ZNF829: variants seen among roughly 807,000 people sequenced by gnomAD.
ZNF829 encodes zinc finger protein 829.
A neutral mutation model predicts 35.2 loss-of-function variants in ZNF829; 25 were observed. The observed-to-expected ratio is 0.71, with a 90% CI of 0.52 to 0.99. The LOEUF is 0.99. Ranked by LOEUF, ZNF829 falls within the 50% of genes least tolerant of loss-of-function variation. ZNF829 has a pLI of 0.00. For missense variants in ZNF829, 417 were observed against 515.3 expected (o/e 0.81, Z 1.85); for synonymous variants, 136 against 163.2 (o/e 0.83, Z 1.27).
Position 36,891,284 on chromosome 19 carries a change from G to T in ZNF829, c.*208C>A. The T allele has an allele frequency of 4.0e-6, 2 of 503,686 alleles. No individual in the cohort carries two copies. Among genetic ancestry groups the T allele is most frequent in the Non-Finnish European group, 6.7e-6 (2 of 299,992 alleles). The allele number at this position is 503,686 out of a possible 1,614,324, so 31.2% of individuals were successfully genotyped here. ...GAACCAAAACGATCAGCACCCTTGA[G>T]TTTAGATTTCCAGGCTCTAAACTAT... On this transcript the variant is annotated 3_prime_UTR_variant, in exon 6 of 6. Transcript: ENST00000391711.
Position 36,891,203 on chromosome 19 carries a change from G to A in ZNF829, c.*289C>T, listed in dbSNP as rs2146222029. ...AGCCATGGAATGCCAAGGACTGCCAGCTGTTAACAGAGGTTAGGAAAAAGG... is the reference window on the plus strand; with the variant it reads ...AGCCATGGAATGCCAAGGACTGCCAACTGTTAACAGAGGTTAGGAAAAAGG... On this transcript the variant is annotated 3_prime_UTR_variant, in exon 6 of 6. Transcript: ENST00000391711. The A allele has an allele frequency of 3.4e-6, 1 of 291,452 alleles. No homozygotes were observed. Among genetic ancestry groups the A allele is most frequent in the Non-Finnish European group, 6.3e-6 (1 of 158,746 alleles). The allele number at this position is 291,452 out of a possible 1,614,324, so 18.1% of individuals were successfully genotyped here. A position where few individuals can be genotyped will look rare whatever the true frequency, so the allele number is the denominator to read the frequency against.
Position 36,915,006 on chromosome 19 carries a change from C to G in ZNF829, c.55G>C (p.Glu19Gln), listed in dbSNP as rs763772841. The G allele has an allele frequency of 1.9e-6, 3 of 1,614,164 alleles. No homozygotes were observed. The highest frequency in any genetic ancestry group is 2.5e-6 in the Non-Finnish European group (3 of 1,180,032). The change falls in exon 3 of 6, where the codon GAG becomes CAG. Residue 19 changes from glutamate (E) to glutamine (Q), a missense_variant. Transcript: ENST00000391711. ...AGAAGTTCATCATGCATTCTTTCCTCCTCTTCTGGGTGACACCTGGAGAAA... is the reference window on the plus strand; with the variant it reads ...AGAAGTTCATCATGCATTCTTTCCTGCTCTTCTGGGTGACACCTGGAGAAA... ...IPHVWCHPEE[E>Q]ERMHDELLQA...
At chr19:36,905,557 CCTCCTGAGTAG>C (rs2073208596) in intron 5 of ZNF829, 2 of 152,108 alleles carry the variant, frequency 1.3e-5, no homozygotes, top group South Asian at 4.2e-4. Context: ...CCTGCCTCAG[CCTCCTGAGTAG>C]CTGGGATTAC....
rs1568375044 is a variant in ZNF829 at position 36,916,208 on chromosome 19, C to T, written c.-282G>A. 1 of 448,782 alleles carries T rather than the reference C, an allele frequency of 2.2e-6. No individual in the cohort carries two copies. Among genetic ancestry groups the T allele is most frequent in the East Asian group, 4.2e-5 (1 of 23,970 alleles). 27.8% of individuals were successfully genotyped at this position (448,782 alleles called of 1,614,324 possible). ...CCAGCCGAGCCTCGGAGTTGCGGGT[C>T]GCCGTAGCGCTGCGCAATGGAGATG... is the stretch of plus-strand genomic sequence containing the variant. On this transcript the variant is annotated 5_prime_UTR_variant, in exon 1 of 6. Transcript: ENST00000391711. The surrounding 1 kb of genome is among the most constrained non-coding windows in gnomAD (Gnocchi z 5.3).
chr19:36,907,851 T>C lies in ZNF829; in HGVS notation c.319+78A>G, dbSNP rs115305220. On this transcript the variant is annotated intron_variant, in intron 5 of 5. Transcript: ENST00000391711. ...CTTATATGGAAGAGGCTTCAGGCCTTTAAAGGGAGCTTCCTGATAACATCT... is the reference window on the plus strand; with the variant it reads ...CTTATATGGAAGAGGCTTCAGGCCTCTAAAGGGAGCTTCCTGATAACATCT... The C allele has an allele frequency of 9.3e-3, 12,317 of 1,329,718 alleles. 88 individuals carry two copies. The highest frequency in any genetic ancestry group is 0.013 in the African/African-American group (891 of 66,810). 82.4% of individuals were successfully genotyped at this position (1,329,718 alleles called of 1,614,324 possible). A position where few individuals can be genotyped will look rare whatever the true frequency, so the allele number is the denominator to read the frequency against.
At chr19:36,898,043 C>T (rs1254781088) in intron 5 of ZNF829, among the ~76,000 whole-genome samples, 1 of 152,084 alleles carries the variant, frequency 6.6e-6, no homozygotes, top group Non-Finnish European at 1.5e-5. Context: ...GTGGCAGGCA[C>T]CTGTGGTCCC....
chr19:36,892,976 T>C (rs890026233), intron 5 of ZNF829: 6 of 445,814 alleles, frequency 1.3e-5, no homozygotes, highest in Non-Finnish European at 1.9e-5. Context: ...CTCCAGGGCA[T>C]GCACCATGCG....
chr19:36,910,783 G>A (rs2073257809), intron 3 of ZNF829, among the ~76,000 whole-genome samples: 2 of 152,140 alleles, frequency 1.3e-5, no homozygotes, highest in African/African-American at 4.8e-5. Context: ...AAGGGGGGTG[G>A]ATCACCTGAG....
rs184220904 is a variant in ZNF829, at chr19:36,891,987, A to G, written c.804T>C (p.Tyr268=). ...HQRIHTGEKP[Y]ECKVCGKAFT... ...AGGCTTTTCCACATACTTTACATTC[A>G]TAGGGTTTCTCACCAGTGTGAATTC... The change falls in exon 6 of 6, where the codon TAT becomes TAC. Residue 268 remains tyrosine, a synonymous_variant. Transcript: ENST00000391711. 71 of 1,613,918 alleles carry G rather than the reference A, an allele frequency of 4.4e-5. 2 individuals carry two copies. In the Admixed American group the frequency reaches 1.1e-3, roughly 26 times the overall value.
Position 36,915,113 on chromosome 19 carries a change from C to T in ZNF829, c.38+17G>A. 6.2e-7 allele frequency: 1 copy of T among 1,614,004 alleles called. No individual in the cohort carries two copies. Among genetic ancestry groups the T allele is most frequent in the Middle Eastern group, 1.6e-4 (1 of 6,062 alleles). ...AGATTAGTCAAGTAAGAGTTCTTCC[C>T]CAGCCCCATTACCCACCACACATGA... On this transcript the variant is annotated intron_variant, in intron 2 of 5. Coordinates refer to ENST00000391711, the MANE Select transcript of ZNF829 (RefSeq NM_001037232.4).
At position 36,889,260 on chromosome 19, in the gene ZNF829, G is replaced by T. The variant is rs924474825; in HGVS notation, c.*2232C>A. On this transcript the variant is annotated 3_prime_UTR_variant, in exon 6 of 6. Transcript: ENST00000391711. ...AGGGATATTGGCTTGTAGTTTTTTT[G>T]TGTGTTTTATCCTTGCCTGGCTTCA... The T allele has an allele frequency of 6.6e-6, 1 of 151,946 alleles. No homozygotes were observed. Among genetic ancestry groups the T allele is most frequent in the Non-Finnish European group, 1.5e-5 (1 of 67,972 alleles). The allele number at this position is 151,946 out of a possible 1,614,324, so 9.4% of individuals were successfully genotyped here. A position where few individuals can be genotyped will look rare whatever the true frequency, so the allele number is the denominator to read the frequency against.
At chr19:36,910,244 C>T (rs1032334397) in intron 3 of ZNF829, among the ~76,000 whole-genome samples, 1 of 152,042 alleles carries the variant, frequency 6.6e-6, no homozygotes, top group Non-Finnish European at 1.5e-5. Flanking sequence ...GTCACCACAC[C>T]CAGCTAATTT....
chr19:36,899,546 G>C (rs2073143892), intron 5 of ZNF829, among the ~76,000 whole-genome samples: 1 of 151,556 alleles, frequency 6.6e-6, no homozygotes, highest in African/African-American at 2.4e-5. Flanking sequence ...AAAGTGATGG[G>C]TATCTAAATA....
intron 5 of ZNF829, among the ~76,000 whole-genome samples, chr19:36,903,045 AAAGAAG>A (rs146903807): frequency 2.0e-5 from 3 of 152,166 alleles, no homozygotes; most frequent in South Asian, 2.1e-4. Context: ...CAAAAATAAA[AAAGAAG>A]AAGAAGAAAA....
rs770292504 is a variant in ZNF829, at chr19:36,916,046, A to C, written c.-120T>G. 8.8e-6 allele frequency: 9 copies of C among 1,017,776 alleles called. No homozygotes were observed. The highest frequency in any genetic ancestry group is 4.9e-5 in the African/African-American group (3 of 60,622). 63.0% of individuals were successfully genotyped at this position (1,017,776 alleles called of 1,614,324 possible). Reference sequence around the variant, plus strand: ...TAAGGGTCCCGCCAGGAGTGACGAAACGTTCGAATTCCTGCGAGAAAAGTG... The same window carrying C: ...TAAGGGTCCCGCCAGGAGTGACGAACCGTTCGAATTCCTGCGAGAAAAGTG... On this transcript the variant is annotated 5_prime_UTR_variant, in exon 1 of 6. Transcript: ENST00000391711. The surrounding 1 kb of genome is among the most constrained non-coding windows in gnomAD (Gnocchi z 5.3).
At chr19:36,908,886 C>A (rs949882954) in intron 3 of ZNF829, among the ~76,000 whole-genome samples, 12 of 152,074 alleles carry the variant, frequency 7.9e-5, no homozygotes, top group African/African-American at 2.7e-4. Context: ...TAAGAAAAAA[C>A]CAAGCAATTC....
intron 5 of ZNF829, among the ~76,000 whole-genome samples, chr19:36,898,470 C>G (rs1013170781): frequency 3.9e-5 from 6 of 152,086 alleles, no homozygotes; most frequent in African/African-American, 9.7e-5. Flanking sequence ...AATGCAATCC[C>G]GACTGAAATG....
In ZNF829 at chr19:36,892,763, A is replaced by G. The variant is rs935315487; in HGVS notation, c.320-292T>C. On this transcript the variant is annotated intron_variant, in intron 5 of 5. Transcript: ENST00000391711. ...TACACAGTGTTCAGCACCATCCTCC[A>G]TATTATAGAGAGATTCTAATTAAAA... The G allele has an allele frequency of 1.7e-5, 8 of 478,264 alleles. 1 individual carries two copies. The South Asian group carries it at 5.2e-4, about 31-fold the overall frequency. The allele number at this position is 478,264 out of a possible 1,614,324, so 29.6% of individuals were successfully genotyped here.
At position 36,892,237 on chromosome 19, in the gene ZNF829, T is replaced by C. The variant is rs750921844; in HGVS notation, c.554A>G (p.Glu185Gly). Reference protein sequence around the residue: ...QRIHFGEKHYESKEYGKSFSR... With the variant: ...QRIHFGEKHYGSKEYGKSFSR... Reference sequence around the variant, plus strand: ...AAAGGACTTCCCATACTCCTTAGATTCATAGTGTTTTTCACCAAAATGAAT... The same window carrying C: ...AAAGGACTTCCCATACTCCTTAGATCCATAGTGTTTTTCACCAAAATGAAT... The change falls in exon 6 of 6, where the codon GAA (glutamate) becomes GGA (glycine). Residue 185 changes from glutamate to glycine, a missense_variant. By Grantham distance (98) the Glu-to-Gly change is moderately conservative. Coordinates refer to ENST00000391711, the MANE Select transcript of ZNF829 (RefSeq NM_001037232.4). 1 of 1,614,082 alleles carries C rather than the reference T, an allele frequency of 6.2e-7. No homozygotes were observed. Among genetic ancestry groups the C allele is most frequent in the Non-Finnish European group, 8.5e-7 (1 of 1,180,036 alleles).
Sources: allele counts gnomAD v4.1 joint callset (sites outside exome capture counted in the v4.1 genomes callset), GRCh38; gene constraint gnomAD v4.1.1; non-coding constraint Gnocchi (gnomAD v3.1); transcripts MANE v1.5; gene names NCBI Gene and HGNC (gene_info 2026-07-23, HGNC 2026-07-21).